UHRF1: variants seen among roughly 807,000 people sequenced by gnomAD.
The protein encoded by UHRF1 is E3 ubiquitin-protein ligase UHRF1.
UHRF1 carries 9 observed loss-of-function variants against 96.5 expected under a neutral mutation model. The observed-to-expected ratio is 0.09, with a 90% CI of 0.06 to 0.16. The LOEUF (loss-of-function observed/expected upper bound fraction) is 0.16. UHRF1 is among the 10% of genes least tolerant of loss of function. UHRF1 has a pLI of 1.00. For missense variants in UHRF1, 626 were observed against 1,131.1 expected, an observed-to-expected ratio of 0.55 and a Z score of 6.40; for synonymous variants, 455 against 469.9, an observed-to-expected ratio of 0.97 and a Z score of 0.41.
chr19:4,939,295 A>G (rs1351903178), intron 5 of UHRF1, among the ~76,000 whole-genome samples: 1 of 149,902 alleles, frequency 6.7e-6, no homozygotes, highest in Non-Finnish European at 1.5e-5. Context: ...TTTGAGTTCA[A>G]GTGATACTCC....
chr19:4,910,167 G>A (rs1250144233), intron 1 of UHRF1: 3 of 151,768 alleles, frequency 2.0e-5, no homozygotes, highest in Non-Finnish European at 4.4e-5. Flanking sequence ...CGCGACCCGC[G>A]CGGGCCAGTG....
intron 2 of UHRF1, among the ~76,000 whole-genome samples, chr19:4,914,640 G>A (rs1455606944): frequency 6.6e-6 from 1 of 151,488 alleles, no homozygotes; most frequent in Non-Finnish European, 1.5e-5. Flanking sequence ...GGCATCTGCG[G>A]CCCCCACCCC....
intron 1 of UHRF1, among the ~76,000 whole-genome samples, chr19:4,904,095 G>A (rs544980527): frequency 6.6e-6 from 1 of 152,206 alleles, no homozygotes; most frequent in African/African-American, 2.4e-5. Context: ...TCCTGCCTCA[G>A]CCTCCCAAGT....
chr19:4,904,436 C>T (rs1216180069), intron 1 of UHRF1, among the ~76,000 whole-genome samples: 1 of 152,208 alleles, frequency 6.6e-6, no homozygotes, highest in Non-Finnish European at 1.5e-5. Context: ...ACCTTGGCCT[C>T]CCAAAGTGCT....
intron 2 of UHRF1, among the ~76,000 whole-genome samples, chr19:4,913,241 T>C (rs1176440822): frequency 6.8e-6 from 1 of 146,776 alleles, no homozygotes; most frequent in African/African-American, 2.6e-5. Context: ...TAATTAGACA[T>C]GTACATTGTG....
intron 2 of UHRF1, among the ~76,000 whole-genome samples, chr19:4,926,058 C>T (rs1250271286): frequency 4.0e-5 from 6 of 151,866 alleles, no homozygotes; most frequent in African/African-American, 7.3e-5. Context: ...CCACTATGCC[C>T]GGCTAATTTT....
At chr19:4,916,554 A>T (rs2032509432) in intron 2 of UHRF1, among the ~76,000 whole-genome samples, 1 of 151,966 alleles carries the variant, frequency 6.6e-6, no homozygotes, top group African/African-American at 2.4e-5. Context: ...CTCAGCGGTG[A>T]CCCGGCCGGG....
chr19:4,956,960 T>C, intron 16 of UHRF1, 147 bp downstream of exon 16: 1 of 664,214 alleles, frequency 1.5e-6, no homozygotes. Context: ...TGTTGACTGC[T>C]TTCTGGGCAG....
chr19:4,923,229 T>TGAGTCTGGCAGGACA (rs903772707), intron 2 of UHRF1, among the ~76,000 whole-genome samples: 53 of 152,326 alleles, frequency 3.5e-4, no homozygotes, highest in Non-Finnish European at 6.9e-4. Flanking sequence ...GTCCTCTGTC[T>TGAGTCTGGCAGGACA]GAGTCTGGCA....
In UHRF1 at chr19:4,941,839, C is replaced by T. The variant is rs1489479106; in HGVS notation, c.981C>T (p.Pro327=). 8.3e-6 allele frequency: 13 copies of T among 1,574,430 alleles called. No homozygotes were observed. In the East Asian group the frequency reaches 1.4e-4, roughly 17 times the overall value. The change falls in exon 7 of 17, where the codon CCC becomes CCT. Residue 327 remains proline (P), a synonymous_variant. Transcript: ENST00000650932. ...ACCTGTGCGGGGGCCGGCAGGACCCCGACAAGCAGCTCATGTGCGATGAGT... is the reference window on the plus strand; with the variant it reads ...ACCTGTGCGGGGGCCGGCAGGACCCTGACAAGCAGCTCATGTGCGATGAGT... ...ACHLCGGRQD[P]DKQLMCDECD...
At chr19:4,937,823 T>C (rs1471403493) in intron 5 of UHRF1, among the ~76,000 whole-genome samples, 2 of 152,184 alleles carry the variant, frequency 1.3e-5, no homozygotes, top group African/African-American at 4.8e-5. Context: ...AAAATTTACG[T>C]TAATTCTTCT....
chr19:4,916,656 C>G (rs1264249787), intron 2 of UHRF1, among the ~76,000 whole-genome samples: 1 of 152,050 alleles, frequency 6.6e-6, no homozygotes, highest in African/African-American at 2.4e-5. Context: ...GCCGCCCCCT[C>G]TTGTGGGTTC....
intron 2 of UHRF1, among the ~76,000 whole-genome samples, chr19:4,913,251 G>A (rs1202263592): frequency 1.2e-5 from 1 of 83,332 alleles, no homozygotes; most frequent in East Asian, 2.4e-4. Flanking sequence ...TGTACATTGT[G>A]CTTTTTTTTT....
At chr19:4,915,124 A>T (rs1475987500) in intron 2 of UHRF1, among the ~76,000 whole-genome samples, 1 of 152,232 alleles carries the variant, frequency 6.6e-6, no homozygotes, top group Non-Finnish European at 1.5e-5. Context: ...GGTCAGTCTG[A>T]TGCCTCAGTT....
rs890857264 is a variant in UHRF1 at position 4,929,228 on chromosome 19, G to A, written c.160G>A (p.Asp54Asn). 6.2e-6 allele frequency: 10 copies of A among 1,611,146 alleles called. No individual in the cohort carries two copies. The highest frequency in any genetic ancestry group is 5.0e-5 in the Admixed American group (3 of 59,900). Residue 54 changes from aspartate to asparagine, a missense_variant, in exon 3 of 17, where the codon GAC (aspartate) becomes AAC (asparagine). Transcript: ENST00000650932. ...GCCTCTGGTGTCCCTGCAGATGGAGGACGGCCATACCCTCTTCGACTACGA... is the reference window on the plus strand; with the variant it reads ...GCCTCTGGTGTCCCTGCAGATGGAGAACGGCCATACCCTCTTCGACTACGA... ...RLFYRGKQME[D>N]GHTLFDYEVR...
chr19:4,922,722 C>T (rs1247980433), intron 2 of UHRF1, among the ~76,000 whole-genome samples: 6 of 152,222 alleles, frequency 3.9e-5, no homozygotes, highest in African/African-American at 1.2e-4. Flanking sequence ...GTTCCAGAAG[C>T]GGCATCAGGA....
intron 2 of UHRF1, among the ~76,000 whole-genome samples, chr19:4,927,657 T>C (rs1396597270): frequency 6.6e-6 from 1 of 152,180 alleles, no homozygotes; most frequent in Non-Finnish European, 1.5e-5. Context: ...CCAGGGCATT[T>C]CTGCCTCTAG....
intron 2 of UHRF1, among the ~76,000 whole-genome samples, chr19:4,926,489 C>A (rs905750766): frequency 2.0e-5 from 3 of 152,148 alleles, no homozygotes; most frequent in Non-Finnish European, 4.4e-5. Context: ...CCCTTGAAAC[C>A]CTTGTAGCTG....
In UHRF1 at chr19:4,955,516, G is replaced by A. The variant is rs573447896; in HGVS notation, c.2130+694G>A. On this transcript the variant is annotated intron_variant, in intron 15 of 16. Coordinates refer to ENST00000650932, the MANE Select transcript of UHRF1 (RefSeq NM_001048201.3). ...TCCCACCTGCCATTTCTCCTCTGCT[G>A]TGGATGGTGACGTCTCAGGATGGTG... is the stretch of plus-strand genomic sequence containing the variant. Among the ~76,000 whole-genome samples the A allele has an allele frequency of 3.3e-5, 5 of 152,218 alleles. No homozygotes were observed. The South Asian group carries it at 1.0e-3, about 32-fold the overall frequency.
Sources: allele counts gnomAD v4.1 joint callset (sites outside exome capture counted in the v4.1 genomes callset), GRCh38; gene constraint gnomAD v4.1.1; transcripts MANE v1.5; gene names NCBI Gene and HGNC (gene_info 2026-07-23, HGNC 2026-07-21).